The following PHKB variants were observed in gnomAD, a reference collection of about 807,000 sequenced individuals.
PHKB encodes the protein phosphorylase kinase regulatory subunit beta.
Under a neutral mutation model 152.1 loss-of-function variants are expected in PHKB, and 122 were observed. That is an observed-to-expected ratio of 0.80 (90% CI 0.69 to 0.93). The LOEUF (loss-of-function observed/expected upper bound fraction) is 0.93, where lower values mean the gene tolerates loss of function less well. PHKB is among the 40% of genes least tolerant of loss of function. The pLI, the probability that PHKB is intolerant of heterozygous loss-of-function variation, is 0.00. For missense variants in PHKB, 1,304 were observed against 1,328.4 expected, an observed-to-expected ratio of 0.98 and a Z score of 0.29; for synonymous variants, 436 against 464.9, an observed-to-expected ratio of 0.94 and a Z score of 0.80.
intron 1 of PHKB, among the ~76,000 whole-genome samples, chr16:47,469,575 A>G (rs1186622278): frequency 6.6e-6 from 1 of 152,132 alleles, no homozygotes; most frequent in Non-Finnish European, 1.5e-5. Context: ...AAACATGGCA[A>G]CAGTAGAAAC....
At chr16:47,579,274 C>T (rs989719170) in intron 7 of PHKB, among the ~76,000 whole-genome samples, 5 of 152,104 alleles carry the variant, frequency 3.3e-5, no homozygotes, top group African/African-American at 1.2e-4. Flanking sequence ...GGTTATGAAA[C>T]AACTTATAGG....
chr16:47,468,696 C>T (rs143389777), intron 1 of PHKB, among the ~76,000 whole-genome samples: 3 of 152,270 alleles, frequency 2.0e-5, no homozygotes, highest in Non-Finnish European at 2.9e-5. Context: ...ATTCTACATT[C>T]CCTTCCTTTG....
chr16:47,618,200 T>C (rs1252036501), intron 14 of PHKB, among the ~76,000 whole-genome samples: 2 of 152,274 alleles, frequency 1.3e-5, no homozygotes, highest in Non-Finnish European at 2.9e-5. Context: ...AATGCATTTT[T>C]ATTTGCCATC....
intron 1 of PHKB, among the ~76,000 whole-genome samples, chr16:47,485,057 G>A (rs746285168): frequency 6.6e-6 from 1 of 152,048 alleles, no homozygotes; most frequent in Non-Finnish European, 1.5e-5. Context: ...CAACACCTAG[G>A]ATCATGCTAA....
chr16:47,680,344 G>T (rs1457851060), intron 26 of PHKB, among the ~76,000 whole-genome samples: 3 of 152,170 alleles, frequency 2.0e-5, no homozygotes, highest in East Asian at 1.9e-4. Context: ...AGAAGGAATG[G>T]TACCAGCTCC....
intron 1 of PHKB, among the ~76,000 whole-genome samples, chr16:47,490,973 G>C (rs552102185): frequency 2.0e-5 from 3 of 152,194 alleles, no homozygotes; most frequent in South Asian, 4.1e-4. Context: ...TTTAACCCTA[G>C]CCAATACTTT....
At chr16:47,555,008 A>G (rs1267690114) in intron 7 of PHKB, among the ~76,000 whole-genome samples, 2 of 152,178 alleles carry the variant, frequency 1.3e-5, no homozygotes, top group African/African-American at 2.4e-5. Flanking sequence ...AAGTGGTTTT[A>G]TGTTCTATTC....
intron 14 of PHKB, among the ~76,000 whole-genome samples, chr16:47,640,540 A>G (rs958908854): frequency 2.6e-5 from 4 of 152,218 alleles, no homozygotes; most frequent in African/African-American, 9.6e-5. Context: ...TAAGAATTAT[A>G]TATTAGAATA....
intron 6 of PHKB, among the ~76,000 whole-genome samples, chr16:47,533,611 G>C (rs1970900872): frequency 6.6e-6 from 1 of 152,202 alleles, no homozygotes. Flanking sequence ...ACTTGGCTGG[G>C]CTGTTATAGC....
chr16:47,553,656 C>G (rs1304502578), intron 7 of PHKB, among the ~76,000 whole-genome samples: 1 of 152,120 alleles, frequency 6.6e-6, no homozygotes, highest in African/African-American at 2.4e-5. Context: ...CTGGTTTCTC[C>G]CCCTGTTCGT....
intron 6 of PHKB, among the ~76,000 whole-genome samples, chr16:47,545,642 C>T (rs560670257): frequency 1.3e-5 from 2 of 152,196 alleles, no homozygotes; most frequent in Non-Finnish European, 2.9e-5. Flanking sequence ...GTTGGCCTCC[C>T]TTGCTAGGTT....
intron 6 of PHKB, among the ~76,000 whole-genome samples, chr16:47,526,422 A>T (rs1970768748): frequency 6.6e-6 from 1 of 151,782 alleles, no homozygotes; most frequent in South Asian, 2.1e-4. Context: ...AAAAAAAAAA[A>T]TTATTCACCG....
chr16:47,691,299 C>G (rs1248084177), intron 27 of PHKB, among the ~76,000 whole-genome samples: 2 of 152,114 alleles, frequency 1.3e-5, no homozygotes, highest in African/African-American at 4.8e-5. Context: ...TGGATCAAAA[C>G]AAGAATATTA....
At chr16:47,540,298 A>G (rs1215664836) in intron 6 of PHKB, among the ~76,000 whole-genome samples, 1 of 131,992 alleles carries the variant, frequency 7.6e-6, no homozygotes, top group African/African-American at 2.9e-5. Context: ...TCTGCTCTCG[A>G]ACTCTGTTTT....
At chr16:47,488,434 T>TTTAATTAGGTTTAA (rs1186105102) in intron 1 of PHKB, among the ~76,000 whole-genome samples, 1 of 152,224 alleles carries the variant, frequency 6.6e-6, no homozygotes, top group African/African-American at 2.4e-5. Context: ...GAAGAAGCTC[T>TTTAATTAGGTTTAA]TTAGTTTAAT....
intron 6 of PHKB, among the ~76,000 whole-genome samples, chr16:47,516,812 T>TA (rs1201935365): frequency 3.9e-5 from 6 of 152,242 alleles, no homozygotes; most frequent in Admixed American, 6.5e-5. Flanking sequence ...AAATTAATAA[T>TA]ACCCAGTATG....
intron 4 of PHKB, among the ~76,000 whole-genome samples, chr16:47,510,965 T>C (rs372500459): frequency 6.6e-6 from 1 of 152,188 alleles, no homozygotes; most frequent in African/African-American, 2.4e-5. Context: ...CATCAGTAAA[T>C]GTTTGCCATG....
intron 14 of PHKB, among the ~76,000 whole-genome samples, chr16:47,619,692 G>C (rs571919319): frequency 6.6e-6 from 1 of 152,150 alleles, no homozygotes; most frequent in Admixed American, 6.5e-5. Context: ...TGATACCTTC[G>C]TTGTTCATAC....
chr16:47,680,845 C>A (rs1242735722), intron 26 of PHKB, among the ~76,000 whole-genome samples: 1 of 152,100 alleles, frequency 6.6e-6, no homozygotes, highest in Non-Finnish European at 1.5e-5. Flanking sequence ...TTTTCTAGTT[C>A]TTTTAATTGT....
Sources: allele counts gnomAD v4.1 joint callset (sites outside exome capture counted in the v4.1 genomes callset), GRCh38; gene constraint gnomAD v4.1.1; transcripts MANE v1.5; gene names NCBI Gene and HGNC (gene_info 2026-07-23, HGNC 2026-07-21).